CEP164: variants seen among roughly 807,000 people sequenced by gnomAD.
The protein encoded by CEP164 is centrosomal protein 164, also known as centrosomal protein of 164 kDa.
In CEP164, 162 loss-of-function variants were observed where a neutral mutation model predicts 182.7. The ratio of observed to expected loss-of-function variants is 0.89; its 90% CI spans 0.78 to 1.01. The LOEUF (loss-of-function observed/expected upper bound fraction) is 1.01, where lower values mean the gene tolerates loss of function less well. Ranked by LOEUF, CEP164 falls within the 50% of genes least tolerant of loss-of-function variation. CEP164 has a pLI of 0.00. For synonymous variants in CEP164, 661 were observed against 690.0 expected, an observed-to-expected ratio of 0.96 and a Z score of 0.66; for missense variants, 1,735 against 1,790.4, an observed-to-expected ratio of 0.97 and a Z score of 0.56.
chr11:117,348,988 T>G lies in CEP164; in HGVS notation c.195-2802T>G, dbSNP rs562674245. Among the ~76,000 whole-genome samples, 6 of 152,356 alleles carry G rather than the reference T, an allele frequency of 3.9e-5. No homozygotes were observed. The South Asian group carries it at 1.2e-3, about 32-fold the overall frequency. ...GTGAGAATTCTTTCTTAAGGCTGAATAATATTCCATTGCATGTATATACAA... is the reference window on the plus strand; with the variant it reads ...GTGAGAATTCTTTCTTAAGGCTGAAGAATATTCCATTGCATGTATATACAA... On this transcript the variant is annotated intron_variant, in intron 4 of 32. Coordinates refer to ENST00000278935, the MANE Select transcript of CEP164 (RefSeq NM_014956.5).
At chr11:117,373,196 A>G (rs769275043) in intron 9 of CEP164, among the ~76,000 whole-genome samples, 5 of 152,046 alleles carry the variant, frequency 3.3e-5, no homozygotes, top group Non-Finnish European at 5.9e-5. Flanking sequence ...GTGAAACCTC[A>G]TCTTTACTAA....
At chr11:117,329,114 C>G (rs2035792477) in intron 1 of CEP164, among the ~76,000 whole-genome samples, 1 of 152,204 alleles carries the variant, frequency 6.6e-6, no homozygotes, top group Non-Finnish European at 1.5e-5. Context: ...GAGACAGGGT[C>G]TTGGTATGTT....
At chr11:117,362,095 T>C (rs888403362) in intron 6 of CEP164, 102 bp downstream of exon 6, 2 of 1,158,510 alleles carry the variant, frequency 1.7e-6, no homozygotes, top group Admixed American at 2.4e-5. Context: ...ACAGAATCGG[T>C]GGAGTCCTCA....
intron 11 of CEP164, 34 bp downstream of exon 11, chr11:117,375,825 C>T (rs767955656): frequency 1.9e-6 from 3 of 1,590,124 alleles, no homozygotes; most frequent in South Asian, 1.1e-5. Context: ...TGAGCTGGGG[C>T]CTCATTTTCC....
chr11:117,334,804 G>A (rs947377338), intron 1 of CEP164, among the ~76,000 whole-genome samples: 10 of 122,200 alleles, frequency 8.2e-5, no homozygotes, highest in South Asian at 2.7e-4. Context: ...AAAAAAAAAA[G>A]GTAAATATAG....
rs985182760 is a variant in CEP164, at chr11:117,351,641, C to T, written c.195-149C>T. ...ATCCTTTCCTTCCCTCCACTCTTAA[C>T]CCCTCTCATTCCATCTTCTCCCTCC... On this transcript the variant is annotated intron_variant, in intron 4 of 32. Transcript: ENST00000278935. 40 of 669,702 alleles carry T rather than the reference C, an allele frequency of 6.0e-5. 1 individual carries two copies. Among genetic ancestry groups the T allele is most frequent in the Non-Finnish European group, 3.8e-5 (15 of 392,600 alleles). 41.5% of individuals were successfully genotyped at this position (669,702 alleles called of 1,614,324 possible).
At chr11:117,367,626 T>G (rs1424413564) in intron 8 of CEP164, among the ~76,000 whole-genome samples, 1 of 152,232 alleles carries the variant, frequency 6.6e-6, no homozygotes, top group Non-Finnish European at 1.5e-5. Flanking sequence ...CTGCACCCAT[T>G]AACTCATCAT....
At chr11:117,360,620 A>G (rs898623953) in intron 5 of CEP164, among the ~76,000 whole-genome samples, 3 of 152,002 alleles carry the variant, frequency 2.0e-5, no homozygotes, top group Non-Finnish European at 4.4e-5. Context: ...TGATCTTCCT[A>G]CCTTGGGCTC....
chr11:117,334,073 G>C (rs1193355914), intron 1 of CEP164, among the ~76,000 whole-genome samples: 1 of 152,058 alleles, frequency 6.6e-6, no homozygotes, highest in Non-Finnish European at 1.5e-5. Context: ...CACTTCCCTC[G>C]GTTCTAATTA....
upstream of CEP164, among the ~76,000 whole-genome samples, chr11:117,325,578 G>A (rs1236039641): frequency 2.0e-5 from 3 of 151,538 alleles, no homozygotes; most frequent in Non-Finnish European, 4.4e-5. Flanking sequence ...TGGAGATGGG[G>A]TTTCACCATG....
intron 30 of CEP164, 137 bp downstream of exon 30, chr11:117,410,102 A>C: frequency 1.2e-5 from 10 of 819,614 alleles, no homozygotes; most frequent in South Asian, 2.9e-5. Context: ...TCCTCCCCCA[A>C]CGTTACCATA....
At chr11:117,381,250 A>G (rs2043284683) in intron 12 of CEP164, among the ~76,000 whole-genome samples, 1 of 152,150 alleles carries the variant, frequency 6.6e-6, no homozygotes, top group South Asian at 2.1e-4. Flanking sequence ...CTAGAAGGGG[A>G]AGGAGAATGG....
At chr11:117,329,182 G>C (rs1459179482) in intron 1 of CEP164, among the ~76,000 whole-genome samples, 1 of 151,694 alleles carries the variant, frequency 6.6e-6, no homozygotes, top group East Asian at 2.0e-4. Context: ...CTGCAGCCTC[G>C]AACTCTTGCC....
chr11:117,412,084 G>T lies in CEP164; in HGVS notation c.4299G>T (p.Ser1433=), dbSNP rs522885. 1,548,990 of 1,614,096 alleles carry T rather than the reference G, an allele frequency of 0.96. 744,339 individuals carry two copies. Among genetic ancestry groups the T allele is most frequent in the Non-Finnish European group, 0.97 (1,148,455 of 1,180,008 alleles). ...ACCTTGTGGCCAGACCTCTCTTCTC[G>T]TCAACACCCAAGCCAAAAGCTACTT... ...VKNDPRLPLF[S]STPKPKATLS... Residue 1433 remains serine, a synonymous_variant, in exon 33 of 33, where the codon TCG becomes TCT. Coordinates refer to ENST00000278935, the MANE Select transcript of CEP164 (RefSeq NM_014956.5).
In CEP164 at chr11:117,392,599, C is replaced by A. The variant is rs2136359625; in HGVS notation, c.2465C>A (p.Ser822Tyr). The A allele has an allele frequency of 1.2e-6, 2 of 1,614,170 alleles. No homozygotes were observed. Among genetic ancestry groups the A allele is most frequent in the Non-Finnish European group, 8.5e-7 (1 of 1,180,040 alleles). ...GQVEHRVHQK[S>Y]YHVAGYEHEL... ...GTGGAGCACAGAGTTCACCAGAAGT[C>A]TTATCACGTGGCTGGGTATGAGCAC... The change falls in exon 19 of 33, where the codon TCT (serine) becomes TAT (tyrosine). Residue 822 changes from serine (S) to tyrosine (Y), a missense_variant. Physicochemically the swap from Ser to Tyr is moderately radical, Grantham distance 144. Coordinates refer to ENST00000278935, the MANE Select transcript of CEP164 (RefSeq NM_014956.5).
chr11:117,381,585 C>A, intron 12 of CEP164, 116 bp from the exon 13 acceptor site: 1 of 1,236,662 alleles, frequency 8.1e-7, no homozygotes. Context: ...GGGGGTGGGG[C>A]TGGAGCATAA....
chr11:117,343,629 C>CTTT (rs558296878), intron 3 of CEP164, among the ~76,000 whole-genome samples: 6 of 129,718 alleles, frequency 4.6e-5, no homozygotes, highest in African/African-American at 8.7e-5. Context: ...TATTTTTTGC[C>CTTT]TTTTTTTTTT....
intron 4 of CEP164, among the ~76,000 whole-genome samples, chr11:117,349,393 CA>C (rs1469920474): frequency 6.6e-6 from 1 of 152,182 alleles, no homozygotes; most frequent in Non-Finnish European, 1.5e-5. Context: ...TATTGGTATA[CA>C]AATAGCTGTT....
chr11:117,343,723 C>T (rs970266214), intron 3 of CEP164, among the ~76,000 whole-genome samples: 2 of 151,600 alleles, frequency 1.3e-5, no homozygotes, highest in African/African-American at 4.9e-5. Context: ...CTCTTCCTCC[C>T]AGGTTCAAGC....
Sources: allele counts gnomAD v4.1 joint callset (sites outside exome capture counted in the v4.1 genomes callset), GRCh38; gene constraint gnomAD v4.1.1; transcripts MANE v1.5; gene names NCBI Gene and HGNC (gene_info 2026-07-23, HGNC 2026-07-21).